The following CD38 variants were observed in gnomAD, a reference collection of about 807,000 sequenced individuals.
The protein encoded by CD38 is CD38 molecule.
In CD38, 31 loss-of-function variants were observed where a neutral mutation model predicts 36.3. The observed-to-expected ratio is 0.85, with a 90% CI of 0.64 to 1.15. CD38 has a LOEUF of 1.15. Among genes scored for constraint, CD38 ranks in the 50% most tolerant of loss-of-function variants. The pLI, the probability that CD38 is intolerant of heterozygous loss-of-function variation, is 0.00. For missense variants in CD38, 380 were observed against 371.9 expected (o/e 1.02, Z -0.18); for synonymous variants, 131 against 135.2 (o/e 0.97, Z 0.22).
intron 3 of CD38, among the ~76,000 whole-genome samples, chr4:15,830,309 A>C (rs1304755263): frequency 2.6e-5 from 4 of 152,194 alleles, no homozygotes; most frequent in African/African-American, 9.7e-5. Context: ...ATGATATCTC[A>C]TGATAGTTTT....
At chr4:15,832,304 TC>T (rs1257760105) in intron 3 of CD38, among the ~76,000 whole-genome samples, 1 of 152,236 alleles carries the variant, frequency 6.6e-6, no homozygotes, top group Non-Finnish European at 1.5e-5. Context: ...GGTCATGTAT[TC>T]CTGGATGGTC....
intron 1 of CD38, among the ~76,000 whole-genome samples, chr4:15,791,577 G>T (rs1577636830): frequency 4.7e-5 from 4 of 85,960 alleles, no homozygotes; most frequent in Non-Finnish European, 9.2e-5. Flanking sequence ...GGAGGGAGGT[G>T]GGGGGGTCAG....
At chr4:15,827,307 GT>G (rs997490544) in intron 3 of CD38, among the ~76,000 whole-genome samples, 42 of 152,104 alleles carry the variant, frequency 2.8e-4, no homozygotes, top group Non-Finnish European at 1.2e-4. Context: ...TTTACACGGT[GT>G]TTATGGTCTG....
At chr4:15,829,885 C>T (rs1258560977) in intron 3 of CD38, among the ~76,000 whole-genome samples, 2 of 152,138 alleles carry the variant, frequency 1.3e-5, no homozygotes, top group African/African-American at 4.8e-5. Flanking sequence ...ACATAATGAC[C>T]TCCAGTTCTA....
intron 1 of CD38, among the ~76,000 whole-genome samples, chr4:15,779,507 G>C (rs370994309): frequency 4.6e-5 from 7 of 152,234 alleles, no homozygotes; most frequent in African/African-American, 1.7e-4. Context: ...GGGAAGGCAG[G>C]CAGGGGGAGC....
intron 1 of CD38, among the ~76,000 whole-genome samples, chr4:15,809,642 G>A (rs796363615): frequency 3.9e-5 from 6 of 152,198 alleles, no homozygotes; most frequent in African/African-American, 1.4e-4. Flanking sequence ...GTTTAGGAAG[G>A]AGCAAATCAC....
chr4:15,836,794 G>A (rs1724076937), intron 4 of CD38, among the ~76,000 whole-genome samples: 1 of 152,164 alleles, frequency 6.6e-6, no homozygotes, highest in East Asian at 1.9e-4. Flanking sequence ...ACCCTGGTAC[G>A]ATGGAAACAG....
intron 7 of CD38, among the ~76,000 whole-genome samples, chr4:15,841,480 A>T (rs187205203): frequency 2.4e-4 from 37 of 152,364 alleles, no homozygotes; most frequent in African/African-American, 8.7e-4. Context: ...GGCCATGAGC[A>T]TTCTACAGCA....
intron 1 of CD38, 96 bp from the exon 2 acceptor site, chr4:15,816,415 A>G (rs1212683868): frequency 9.6e-7 from 1 of 1,041,816 alleles, no homozygotes; most frequent in African/African-American, 1.6e-5. Flanking sequence ...GGCATATAAT[A>G]GATGCTTCCT....
intron 2 of CD38, among the ~76,000 whole-genome samples, chr4:15,817,809 G>A (rs1202580870): frequency 6.6e-6 from 1 of 152,148 alleles, no homozygotes; most frequent in Non-Finnish European, 1.5e-5. Flanking sequence ...GCTCCAGTCT[G>A]CAGCTCCCAG....
chr4:15,845,925 A>T lies in CD38; in HGVS notation c.840-2614A>T, dbSNP rs1260440965. Among the ~76,000 whole-genome samples, 2 of 106,958 alleles carry T rather than the reference A, an allele frequency of 1.9e-5. 1 individual carries two copies. Among genetic ancestry groups the T allele is most frequent in the East Asian group, 5.1e-4 (2 of 3,936 alleles). 70.2% of individuals were successfully genotyped at this position (106,958 alleles called of 152,430 possible). On this transcript the variant is annotated intron_variant, in intron 7 of 7. Coordinates refer to ENST00000226279, the MANE Select transcript of CD38 (RefSeq NM_001775.4). The stretch of plus-strand genomic sequence containing the variant: ...AAGGAAATAAAAGAGGACACAAACA[A>T]ATGGAAGAACTGCTCATGGGTAGGA...
At chr4:15,807,039 C>T (rs1407444040) in intron 1 of CD38, among the ~76,000 whole-genome samples, 1 of 152,164 alleles carries the variant, frequency 6.6e-6, no homozygotes, top group Admixed American at 6.5e-5. Flanking sequence ...CCTAAGACCA[C>T]CAGGAACACA....
At chr4:15,784,132 A>T (rs1245090330) in intron 1 of CD38, among the ~76,000 whole-genome samples, 1 of 152,214 alleles carries the variant, frequency 6.6e-6, no homozygotes, top group African/African-American at 2.4e-5. Context: ...GGAAGGAGCC[A>T]TTGCTTCTGT....
chr4:15,816,550 T>C lies in CD38; in HGVS notation c.273T>C (p.Gly91=), dbSNP rs778769412. 1 of 1,613,544 alleles carries C rather than the reference T, an allele frequency of 6.2e-7. No homozygotes were observed. The highest frequency in any genetic ancestry group is 8.5e-7 in the Non-Finnish European group (1 of 1,179,564). The part of the protein sequence containing the change: ...DCQSVWDAFK[G]AFISKHPCNI... The stretch of plus-strand genomic sequence containing the variant: ...AAAGTGTATGGGATGCTTTCAAGGG[T>C]GCATTTATTTCAAAACATCCTTGCA... The change falls in exon 2 of 8, where the codon GGT becomes GGC. Residue 91 remains glycine, a synonymous_variant. Coordinates refer to ENST00000226279, the MANE Select transcript of CD38 (RefSeq NM_001775.4).
In CD38 at chr4:15,816,601, A is replaced by G. The variant is rs887109185; in HGVS notation, c.324A>G (p.Pro108=). Residue 108 remains proline (P), a synonymous_variant, in exon 2 of 8, where the codon CCA becomes CCG. Coordinates refer to ENST00000226279, the MANE Select transcript of CD38 (RefSeq NM_001775.4). ...PCNITEEDYQ[P]LMKLGTQTVP... is the part of the protein sequence containing the mutation. ...ACATTACTGAAGAAGACTATCAGCCACTAATGAAGTTGGGAACTCAGACCG... is the reference window on the plus strand; with the variant it reads ...ACATTACTGAAGAAGACTATCAGCCGCTAATGAAGTTGGGAACTCAGACCG... The G allele has an allele frequency of 1.9e-6, 3 of 1,614,034 alleles. No homozygotes were observed. Among genetic ancestry groups the G allele is most frequent in the East Asian group, 2.2e-5 (1 of 44,866 alleles).
intron 1 of CD38, among the ~76,000 whole-genome samples, chr4:15,785,772 G>A (rs966516894): frequency 2.6e-5 from 4 of 152,184 alleles, no homozygotes; most frequent in African/African-American, 9.7e-5. Context: ...ATCTTAGTGG[G>A]TCCGGAATTC....
At chr4:15,813,192 G>A (rs930433884) in intron 1 of CD38, among the ~76,000 whole-genome samples, 3 of 152,172 alleles carry the variant, frequency 2.0e-5, no homozygotes, top group Non-Finnish European at 2.9e-5. Flanking sequence ...TCTTTGGACT[G>A]TACTTGATTT....
At position 15,792,817 on chromosome 4, in the gene CD38, C is replaced by T. The variant is rs147690511; in HGVS notation, c.233+14170C>T. 6.3e-3 allele frequency among the ~76,000 whole-genome samples: 960 copies of T among 152,242 alleles called. 7 individuals carry two copies. The highest frequency in any genetic ancestry group is 0.022 in the African/African-American group (896 of 41,536). On this transcript the variant is annotated intron_variant, in intron 1 of 7. Transcript: ENST00000226279. ...AGTAATTTTTCATATCATCCAATAT[C>T]GATCAGAAGTTTAATTTTCCATGAT...
chr4:15,840,373 G>A, intron 6 of CD38, 79 bp from the exon 7 acceptor site: 1 of 938,244 alleles, frequency 1.1e-6, no homozygotes. Flanking sequence ...CCTTGTCCAG[G>A]GCGTGCTACA....
Sources: allele counts gnomAD v4.1 joint callset (sites outside exome capture counted in the v4.1 genomes callset), GRCh38; gene constraint gnomAD v4.1.1; transcripts MANE v1.5; gene names NCBI Gene and HGNC (gene_info 2026-07-23, HGNC 2026-07-21).